Variants in PARM1 observed in about 807,000 individuals in gnomAD.
The protein encoded by PARM1 is prostate androgen-regulated mucin-like protein 1, also known as WSC4, cell wall integrity and stress response component 4 homolog.
Under a neutral mutation model 24.6 loss-of-function variants are expected in PARM1, and 14 were observed. The observed-to-expected ratio is 0.57, with a 90% CI of 0.38 to 0.89. PARM1 has a LOEUF of 0.89. PARM1 is among the 40% of genes least tolerant of loss of function. PARM1 has a pLI of 0.00. For missense variants in PARM1, 362 were observed against 380.4 expected (o/e 0.95, Z 0.40); for synonymous variants, 179 against 156.6 (o/e 1.14, Z -1.07).
intron 1 of PARM1, among the ~76,000 whole-genome samples, chr4:74,951,691 G>A (rs1721528373): frequency 6.6e-6 from 1 of 152,078 alleles, no homozygotes; most frequent in South Asian, 2.1e-4. Context: ...GCGGTGTTTG[G>A]TTTTCTGTTC....
intron 1 of PARM1, among the ~76,000 whole-genome samples, chr4:75,011,422 A>G (rs1420350939): frequency 1.3e-5 from 2 of 151,940 alleles, no homozygotes; most frequent in Non-Finnish European, 2.9e-5. Flanking sequence ...AACCGGGTGA[A>G]TGGGGGTCCC....
chr4:74,992,815 T>G (rs1230248513), intron 1 of PARM1, among the ~76,000 whole-genome samples: 1 of 152,150 alleles, frequency 6.6e-6, no homozygotes, highest in Non-Finnish European at 1.5e-5. Context: ...AGAATGCAGT[T>G]ATCAGATAAG....
Position 75,006,944 on chromosome 4 carries a change from A to G in PARM1, c.44-5481A>G, listed in dbSNP as rs185071300. Among the ~76,000 whole-genome samples the G allele has an allele frequency of 4.1e-4, 63 of 152,290 alleles. 1 individual carries two copies. In the South Asian group the frequency reaches 8.5e-3, roughly 21 times the overall value. On this transcript the variant is annotated intron_variant, in intron 1 of 3. Transcript: ENST00000307428. ...CCATCAGAGTGAACAGGCAACCTACATAATGGGAGAAAATTTTTGCGATCT... is the reference window on the plus strand; with the variant it reads ...CCATCAGAGTGAACAGGCAACCTACGTAATGGGAGAAAATTTTTGCGATCT...
chr4:75,032,480 G>A (rs1436495140), intron 2 of PARM1, among the ~76,000 whole-genome samples: 2 of 152,086 alleles, frequency 1.3e-5, no homozygotes, highest in Non-Finnish European at 2.9e-5. Context: ...ATAAATAAAA[G>A]AAGAGATACT....
At chr4:74,998,412 G>T (rs530903606) in intron 1 of PARM1, among the ~76,000 whole-genome samples, 1 of 152,306 alleles carries the variant, frequency 6.6e-6, no homozygotes, top group East Asian at 1.9e-4. Flanking sequence ...AAAGCTTCTT[G>T]CACAAGAGAC....
chr4:75,004,420 G>A (rs1232740365), intron 1 of PARM1, among the ~76,000 whole-genome samples: 1 of 152,198 alleles, frequency 6.6e-6, no homozygotes, highest in Non-Finnish European at 1.5e-5. Context: ...TGTCTATCAA[G>A]TTGCAGAATA....
chr4:75,039,327 C>G (rs190184295), intron 3 of PARM1, among the ~76,000 whole-genome samples: 3 of 151,904 alleles, frequency 2.0e-5, no homozygotes, highest in Non-Finnish European at 4.4e-5. Flanking sequence ...GTCAGGAGAT[C>G]GAGGCCATCC....
intron 1 of PARM1, among the ~76,000 whole-genome samples, chr4:74,972,557 C>T (rs76590432): frequency 0.01 from 1,570 of 152,216 alleles, 38 homozygotes; most frequent in African/African-American, 0.036. Flanking sequence ...TAGTGCAGTT[C>T]TTCGGTAGTA....
intron 1 of PARM1, among the ~76,000 whole-genome samples, chr4:74,943,815 G>T (rs1721358399): frequency 1.3e-5 from 2 of 152,170 alleles, no homozygotes; most frequent in African/African-American, 4.8e-5. Context: ...ACTATTGAAA[G>T]TTACCCAGTT....
In PARM1 at chr4:75,012,779, G is replaced by C; in HGVS notation, c.398G>C (p.Gly133Ala). Reference protein sequence around the residue: ...EEHSSGTPEAGVAATLSQSAA... With the variant: ...EEHSSGTPEAAVAATLSQSAA... Reference sequence around the variant, plus strand: ...CACAGCTCGGGCACTCCTGAAGCAGGCGTGGCAGCTACACTGTCGCAGTCC... The same window carrying C: ...CACAGCTCGGGCACTCCTGAAGCAGCCGTGGCAGCTACACTGTCGCAGTCC... The change falls in exon 2 of 4, where the codon GGC (glycine) becomes GCC (alanine). Residue 133 changes from glycine to alanine, a missense_variant. Gly to Ala is a moderately conservative substitution (Grantham distance 60, BLOSUM62 0). Transcript: ENST00000307428. 1.2e-6 allele frequency: 2 copies of C among 1,613,972 alleles called. No individual in the cohort carries two copies. The highest frequency in any genetic ancestry group is 1.7e-5 in the Admixed American group (1 of 60,016).
rs915896469 is a variant in PARM1, at chr4:75,012,525, C to T, written c.144C>T (p.Asn48=). ...PTTIWTSSPQ[N]TDADTASPSN... ...CCATCTGGACTAGCTCTCCACAAAACACTGATGCAGACACTGCCTCCCCAT... is the reference window on the plus strand; with the variant it reads ...CCATCTGGACTAGCTCTCCACAAAATACTGATGCAGACACTGCCTCCCCAT... The change falls in exon 2 of 4, where the codon AAC becomes AAT. Residue 48 remains asparagine (N), a synonymous_variant. Transcript: ENST00000307428. The T allele has an allele frequency of 6.2e-7, 1 of 1,614,002 alleles. No homozygotes were observed. The highest frequency in any genetic ancestry group is 1.7e-5 in the Admixed American group (1 of 60,014).
At chr4:74,954,632 G>A (rs993499143) in intron 1 of PARM1, among the ~76,000 whole-genome samples, 5 of 152,108 alleles carry the variant, frequency 3.3e-5, no homozygotes, top group Admixed American at 1.3e-4. Context: ...TTCTAGCATC[G>A]TGCGCATCAT....
At chr4:75,004,494 G>A (rs1722736041) in intron 1 of PARM1, among the ~76,000 whole-genome samples, 1 of 152,212 alleles carries the variant, frequency 6.6e-6, no homozygotes, top group Admixed American at 6.5e-5. Flanking sequence ...TAGACATGGA[G>A]AGCAGAGTCA....
chr4:74,998,964 A>G (rs1722627882), intron 1 of PARM1: 1 of 152,258 alleles, frequency 6.6e-6, no homozygotes, highest in Non-Finnish European at 1.5e-5. Context: ...CCTCCACCCA[A>G]TCCTAGTTTT....
intron 1 of PARM1, among the ~76,000 whole-genome samples, chr4:74,964,067 G>A (rs1721839609): frequency 6.6e-6 from 1 of 152,180 alleles, no homozygotes; most frequent in South Asian, 2.1e-4. Context: ...TGGTGTCAGG[G>A]AGTTTGAGTG....
intron 2 of PARM1, among the ~76,000 whole-genome samples, chr4:75,033,654 A>G (rs1283489726): frequency 6.6e-6 from 1 of 152,216 alleles, no homozygotes; most frequent in African/African-American, 2.4e-5. Flanking sequence ...GTCTTGATAA[A>G]TATTGACGAT....
intron 1 of PARM1, among the ~76,000 whole-genome samples, chr4:74,991,631 TCA>T (rs1429458521): frequency 4.6e-5 from 7 of 152,086 alleles, no homozygotes; most frequent in African/African-American, 1.7e-4. Flanking sequence ...GAACAATTCC[TCA>T]CAGTAATTCA....
At chr4:74,995,064 A>C (rs563756438) in intron 1 of PARM1, among the ~76,000 whole-genome samples, 1 of 152,308 alleles carries the variant, frequency 6.6e-6, no homozygotes, top group East Asian at 1.9e-4. Context: ...ATTTTTGTCA[A>C]CTAAAGGCCA....
chr4:74,944,417 C>T (rs1440750817), intron 1 of PARM1, among the ~76,000 whole-genome samples: 3 of 152,136 alleles, frequency 2.0e-5, no homozygotes, highest in African/African-American at 7.2e-5. Context: ...GCCATCTTGA[C>T]GTCAGCAGCC....
Sources: gnomAD v4.1 joint callset for allele counts (sites outside exome capture counted in the v4.1 genomes callset) on GRCh38, gnomAD v4.1.1 for gene constraint, MANE v1.5 for transcripts, NCBI Gene and HGNC (gene_info 2026-07-23, HGNC 2026-07-21) for gene names.